The following KCNH1 variants were observed in gnomAD, a reference collection of about 807,000 sequenced individuals.
The protein encoded by KCNH1 is potassium voltage-gated channel subfamily H member 1, also known as voltage-gated delayed rectifier potassium channel KCNH1.
KCNH1 carries 27 observed loss-of-function variants against 69.2 expected under a neutral mutation model. The observed-to-expected ratio is 0.39, with a 90% CI of 0.29 to 0.54. The LOEUF is 0.54. Ranked by LOEUF, KCNH1 falls within the 20% of genes least tolerant of loss-of-function variation. The probability of loss-of-function intolerance (pLI) is 0.68; values close to 1 mark genes in which losing one functional copy is unlikely to be tolerated. For synonymous variants in KCNH1, 456 were observed against 487.7 expected, an observed-to-expected ratio of 0.93 and a Z score of 0.86; for missense variants, 798 against 1,261.6, an observed-to-expected ratio of 0.63 and a Z score of 5.57.
At chr1:210,913,065 TGGA>T (rs1687266429) in intron 7 of KCNH1, among the ~76,000 whole-genome samples, 1 of 152,236 alleles carries the variant, frequency 6.6e-6, no homozygotes, top group Non-Finnish European at 1.5e-5. Context: ...CAGAGTTTTC[TGGA>T]GGAGGGGAGA....
chr1:210,924,781 A>T (rs534957875), intron 6 of KCNH1, among the ~76,000 whole-genome samples: 208 of 152,236 alleles, frequency 1.4e-3, no homozygotes, highest in Middle Eastern at 3.4e-3. Flanking sequence ...GTGCAATTCC[A>T]GGGTTGAGAA....
intron 9 of KCNH1, 71 bp downstream of exon 9, chr1:210,797,437 G>C (rs1574262140): frequency 6.5e-7 from 1 of 1,531,820 alleles, no homozygotes; most frequent in East Asian, 2.3e-5. Flanking sequence ...GAAGGTGGCA[G>C]TGGCATTGAG....
At chr1:210,757,351 T>TAAA (rs1209669152) in intron 10 of KCNH1, among the ~76,000 whole-genome samples, 1 of 152,122 alleles carries the variant, frequency 6.6e-6, no homozygotes, top group Non-Finnish European at 1.5e-5. Context: ...AGGGACTGGG[T>TAAA]TTCTCTTCTA....
At chr1:210,858,227 T>C (rs1685897603) in intron 7 of KCNH1, 1 of 152,230 alleles carries the variant, frequency 6.6e-6, no homozygotes. Flanking sequence ...TAACATGCTC[T>C]AGATACCACC....
chr1:211,100,351 C>G (rs1419395380), intron 3 of KCNH1, among the ~76,000 whole-genome samples: 1 of 152,066 alleles, frequency 6.6e-6, no homozygotes, highest in Non-Finnish European at 1.5e-5. Flanking sequence ...TATTTATACA[C>G]ACACACACAT....
intron 7 of KCNH1, among the ~76,000 whole-genome samples, chr1:210,886,931 T>C (rs1023461521): frequency 6.6e-6 from 1 of 152,140 alleles, no homozygotes; most frequent in African/African-American, 2.4e-5. Context: ...TTGATGTACC[T>C]GAAATTGACG....
At chr1:210,950,553 A>AT (rs1014612219) in intron 6 of KCNH1, among the ~76,000 whole-genome samples, 34 of 151,034 alleles carry the variant, frequency 2.3e-4, no homozygotes, top group African/African-American at 3.7e-4. Context: ...TGAACTCATC[A>AT]TTTTTTATGG....
At chr1:211,116,498 G>C (rs1004101418) in intron 1 of KCNH1, among the ~76,000 whole-genome samples, 1 of 152,120 alleles carries the variant, frequency 6.6e-6, no homozygotes, top group Non-Finnish European at 1.5e-5. Flanking sequence ...TTCCACACCT[G>C]GGGTTTCCAC....
At chr1:211,131,115 T>G (rs1406153383) in intron 1 of KCNH1, among the ~76,000 whole-genome samples, 1 of 152,046 alleles carries the variant, frequency 6.6e-6, no homozygotes, top group African/African-American at 2.4e-5. Context: ...CCCTTAAATA[T>G]TTGAGGAAAG....
At chr1:211,028,116 T>G (rs11119665) in intron 5 of KCNH1, among the ~76,000 whole-genome samples, 2 of 151,898 alleles carry the variant, frequency 1.3e-5, no homozygotes, top group Admixed American at 6.6e-5. Context: ...AATACAACAA[T>G]TAAAATCACC....
intron 10 of KCNH1, among the ~76,000 whole-genome samples, chr1:210,723,974 T>C (rs187194781): frequency 1.3e-5 from 2 of 152,316 alleles, no homozygotes. Flanking sequence ...TTTCCCACTG[T>C]GGCCGGGGAA....
intron 6 of KCNH1, among the ~76,000 whole-genome samples, chr1:210,958,038 G>A (rs1009939279): frequency 2.6e-5 from 4 of 152,162 alleles, no homozygotes; most frequent in African/African-American, 4.8e-5. Context: ...GCATGTTTTT[G>A]TAGTGGCTGG....
At chr1:211,049,555 G>A (rs921852418) in intron 5 of KCNH1, among the ~76,000 whole-genome samples, 1 of 152,188 alleles carries the variant, frequency 6.6e-6, no homozygotes, top group Non-Finnish European at 1.5e-5. Context: ...TGAATTAAGG[G>A]AGAGCAGGAC....
intron 7 of KCNH1, among the ~76,000 whole-genome samples, chr1:210,889,287 G>C (rs1382736441): frequency 6.6e-6 from 1 of 152,082 alleles, no homozygotes; most frequent in Admixed American, 6.6e-5. Context: ...CTCATAAACA[G>C]AACCAATGAC....
At chr1:211,084,095 C>T (rs1015945323) in intron 4 of KCNH1, among the ~76,000 whole-genome samples, 1 of 152,128 alleles carries the variant, frequency 6.6e-6, no homozygotes, top group Non-Finnish European at 1.5e-5. Flanking sequence ...CTGGGGTTGG[C>T]TTGAAAAGAT....
At chr1:211,063,407 G>A (rs1193312192) in intron 5 of KCNH1, 1 of 152,054 alleles carries the variant, frequency 6.6e-6, no homozygotes, top group Non-Finnish European at 1.5e-5. Flanking sequence ...AGAGGAGATG[G>A]TAGTGGAGGG....
At chr1:211,075,146 C>T (rs1221664102) in intron 5 of KCNH1, among the ~76,000 whole-genome samples, 1 of 152,132 alleles carries the variant, frequency 6.6e-6, no homozygotes, top group East Asian at 1.9e-4. Context: ...TAAGAAGCAG[C>T]AGAGAAAGTA....
At chr1:210,807,557 G>A (rs1684609910) in intron 7 of KCNH1, among the ~76,000 whole-genome samples, 1 of 152,148 alleles carries the variant, frequency 6.6e-6, no homozygotes, top group Non-Finnish European at 1.5e-5. Flanking sequence ...TGTTGCGTGA[G>A]CCAAGATTGT....
rs112118539 is a variant in KCNH1 at position 211,120,190 on chromosome 1, ATT to A, written c.80-12815_80-12814del. Among the ~76,000 whole-genome samples the A allele has an allele frequency of 8.3e-3, 1,167 of 141,206 alleles. 13 individuals are homozygous for A. Among genetic ancestry groups the A allele is most frequent in the African/African-American group, 0.028 (1,077 of 38,670 alleles). The allele number at this position is 141,206 out of a possible 152,430, so 92.6% of individuals were successfully genotyped here. ...TTGAATTGATTGATTATATATATAC[ATT>A]TTTTTTTTTTTTTTGAGACAGGGTT... On this transcript the variant is annotated intron_variant, in intron 1 of 10. Transcript: ENST00000271751.
Sources: allele counts gnomAD v4.1 joint callset (sites outside exome capture counted in the v4.1 genomes callset), GRCh38; gene constraint gnomAD v4.1.1; transcripts MANE v1.5; gene names NCBI Gene and HGNC (gene_info 2026-07-23, HGNC 2026-07-21).